The following SAR1B variants were observed in gnomAD, a reference collection of about 807,000 sequenced individuals.
SAR1B encodes the protein small COPII coat GTPase SAR1B.
Under a neutral mutation model 26.8 loss-of-function variants are expected in SAR1B, and 23 were observed. That is an observed-to-expected ratio of 0.86 (90% confidence interval 0.62 to 1.22). SAR1B has a LOEUF of 1.22. Ranked by LOEUF, SAR1B falls within the 50% of genes most tolerant of loss-of-function variation. The probability of loss-of-function intolerance (pLI) is 0.00; values close to 1 mark genes in which losing one functional copy is unlikely to be tolerated. For missense variants in SAR1B, 196 were observed against 232.8 expected (o/e 0.84, Z 1.03); for synonymous variants, 65 against 80.8 (o/e 0.80, Z 1.05).
Position 134,604,447 on chromosome 5 carries a change from G to A in SAR1B, c.*2503C>T, listed in dbSNP as rs1318723793. 1 of 152,098 alleles carries A rather than the reference G, an allele frequency of 6.6e-6. No individual in the cohort carries two copies. Among genetic ancestry groups the A allele is most frequent in the Admixed American group, 6.6e-5 (1 of 15,262 alleles). The allele number at this position is 152,098 out of a possible 1,614,324, so 9.4% of individuals were successfully genotyped here. The stretch of plus-strand genomic sequence containing the variant: ...TGTTTCTTGCCATCCTCTTAATTTG[G>A]TTCTCTTGAAAAAGAGCAGTACCCA... On this transcript the variant is annotated 3_prime_UTR_variant, in exon 7 of 7. Transcript: ENST00000402673.
intron 1 of SAR1B, among the ~76,000 whole-genome samples, chr5:134,628,409 C>A (rs1193789842): frequency 1.3e-5 from 2 of 151,100 alleles, no homozygotes; most frequent in African/African-American, 2.4e-5. Context: ...ACCTAATAGT[C>A]TAAAGAGGCA....
intron 4 of SAR1B, 105 bp downstream of exon 4, chr5:134,612,586 A>G: frequency 9.0e-7 from 1 of 1,106,756 alleles, no homozygotes; most frequent in Non-Finnish European, 1.2e-6. Context: ...CAGAGGTTGC[A>G]GTGAGCTGAG....
intron 2 of SAR1B, among the ~76,000 whole-genome samples, chr5:134,623,288 A>C (rs1196517203): frequency 6.6e-6 from 1 of 151,768 alleles, no homozygotes; most frequent in Non-Finnish European, 1.5e-5. Flanking sequence ...AAAAAATACA[A>C]AAATTAGCTG....
At chr5:134,629,430 G>A (rs1258775646) in intron 1 of SAR1B, among the ~76,000 whole-genome samples, 1 of 152,092 alleles carries the variant, frequency 6.6e-6, no homozygotes, top group Non-Finnish European at 1.5e-5. Context: ...CAGGCACGGT[G>A]GCTCACCCCT....
At chr5:134,612,578 G>A in intron 4 of SAR1B, 113 bp downstream of exon 4, 1 of 1,041,934 alleles carries the variant, frequency 9.6e-7, no homozygotes, top group Non-Finnish European at 1.3e-6. Flanking sequence ...CCAGGAGGCA[G>A]AGGTTGCAGT....
intron 1 of SAR1B, among the ~76,000 whole-genome samples, chr5:134,627,801 A>AAAAT (rs199626448): frequency 0.21 from 28,494 of 134,194 alleles, 3,159 homozygotes; most frequent in East Asian, 0.4. Context: ...TCCATCCCAA[A>AAAAT]AAATAAATAA....
At chr5:134,632,651 G>A (rs922605170) in intron 1 of SAR1B, 77 bp downstream of exon 1, 1 of 152,282 alleles carries the variant, frequency 6.6e-6, no homozygotes. Flanking sequence ...AGTAGGTCTT[G>A]GCCCTAAAAG....
At chr5:134,627,911 G>A (rs1360478169) in intron 1 of SAR1B, among the ~76,000 whole-genome samples, 2 of 151,966 alleles carry the variant, frequency 1.3e-5, no homozygotes, top group Non-Finnish European at 2.9e-5. Flanking sequence ...AGGCCGAGGC[G>A]GGCAGATCAC....
At chr5:134,622,412 T>C (rs983231194) in intron 2 of SAR1B, among the ~76,000 whole-genome samples, 2 of 146,236 alleles carry the variant, frequency 1.4e-5, no homozygotes, top group Admixed American at 6.9e-5. Flanking sequence ...CCCATATTCT[T>C]TTTTTTTTTT....
At chr5:134,617,256 A>G (rs528081730) in intron 3 of SAR1B, among the ~76,000 whole-genome samples, 1 of 152,020 alleles carries the variant, frequency 6.6e-6, no homozygotes, top group Non-Finnish European at 1.5e-5. Context: ...ATAATAACTC[A>G]CCACCAACAA....
intron 2 of SAR1B, among the ~76,000 whole-genome samples, chr5:134,622,990 G>A (rs1252945785): frequency 6.6e-6 from 1 of 151,486 alleles, no homozygotes; most frequent in Non-Finnish European, 1.5e-5. Flanking sequence ...AGGCATGATA[G>A]TATATGCCTG....
chr5:134,615,807 A>G (rs1765303066), intron 3 of SAR1B, among the ~76,000 whole-genome samples: 1 of 151,118 alleles, frequency 6.6e-6, no homozygotes, highest in African/African-American at 2.4e-5. Flanking sequence ...ACAGAGCAAG[A>G]CTCCGTCTCA....
At chr5:134,617,088 C>T (rs1033508769) in intron 3 of SAR1B, among the ~76,000 whole-genome samples, 1 of 151,950 alleles carries the variant, frequency 6.6e-6, no homozygotes, top group Admixed American at 6.6e-5. Flanking sequence ...AAAAATTAGC[C>T]AGATGTGGTA....
intron 2 of SAR1B, among the ~76,000 whole-genome samples, chr5:134,621,375 C>T (rs1461297903): frequency 2.6e-5 from 4 of 152,030 alleles, no homozygotes; most frequent in African/African-American, 9.7e-5. Flanking sequence ...GAAGCTGAGG[C>T]AGGAGAATCA....
chr5:134,621,335 T>C (rs896658766), intron 2 of SAR1B, among the ~76,000 whole-genome samples: 3 of 152,204 alleles, frequency 2.0e-5, no homozygotes, highest in Admixed American at 6.6e-5. Context: ...CCAGGTGTGG[T>C]GGCGCATGCC....
At chr5:134,616,121 C>A (rs1415695801) in intron 3 of SAR1B, among the ~76,000 whole-genome samples, 1 of 124,896 alleles carries the variant, frequency 8.0e-6, no homozygotes, top group African/African-American at 3.1e-5. Context: ...CAGAGCGAGA[C>A]TCCATCTCGG....
Position 134,601,315 on chromosome 5 carries a change from C to T in SAR1B, c.*5635G>A, listed in dbSNP as rs1452931985. 6.6e-6 allele frequency: 1 copy of T among 152,038 alleles called. No homozygotes were observed. The highest frequency in any genetic ancestry group is 2.4e-5 in the African/African-American group (1 of 41,412). 9.4% of individuals were successfully genotyped at this position (152,038 alleles called of 1,614,324 possible). A position where few individuals can be genotyped will look rare whatever the true frequency, so the allele number is the denominator to read the frequency against. On this transcript the variant is annotated 3_prime_UTR_variant, in exon 7 of 7. Transcript: ENST00000402673. ...TAAAACACACAAAGTTAAACAGAAA[C>T]ATCTTTATATAAATTATCCTTAATA...
intron 1 of SAR1B, among the ~76,000 whole-genome samples, chr5:134,629,038 G>A (rs1031409604): frequency 4.0e-5 from 6 of 151,698 alleles, no homozygotes; most frequent in African/African-American, 1.5e-4. Context: ...AGGATTGCTT[G>A]AGCCCAAGAA....
intron 4 of SAR1B, among the ~76,000 whole-genome samples, chr5:134,610,878 C>A (rs960284580): frequency 6.6e-6 from 1 of 150,764 alleles, no homozygotes; most frequent in Non-Finnish European, 1.5e-5. Flanking sequence ...AGTTTTATGA[C>A]ATACCTTTTT....
Sources: allele counts gnomAD v4.1 joint callset (sites outside exome capture counted in the v4.1 genomes callset), GRCh38; gene constraint gnomAD v4.1.1; transcripts MANE v1.5; gene names NCBI Gene and HGNC (gene_info 2026-07-23, HGNC 2026-07-21).